RNF19A: variants seen among roughly 807,000 people sequenced by gnomAD.
RNF19A encodes E3 ubiquitin-protein ligase RNF19A.
Under a neutral mutation model 75.7 loss-of-function variants are expected in RNF19A, and 32 were observed. That is an observed-to-expected ratio of 0.42 (90% CI 0.32 to 0.57). The LOEUF is 0.57. RNF19A is among the 20% of genes least tolerant of loss of function. RNF19A has a pLI of 0.10. For synonymous variants in RNF19A, 335 were observed against 345.2 expected (o/e 0.97, Z 0.33); for missense variants, 782 against 1,036.3 (o/e 0.75, Z 3.37).
intron 1 of RNF19A, among the ~76,000 whole-genome samples, chr8:100,307,412 C>T (rs1563868177): frequency 6.6e-6 from 1 of 152,010 alleles, no homozygotes; most frequent in Non-Finnish European, 1.5e-5. Context: ...CTACATATCT[C>T]AACCATCTGT....
chr8:100,292,767 TTTAA>T (rs1359422436), intron 1 of RNF19A, among the ~76,000 whole-genome samples: 3 of 152,200 alleles, frequency 2.0e-5, no homozygotes, highest in South Asian at 2.1e-4. Flanking sequence ...TACATACTGA[TTTAA>T]TTTTTTAATT....
intron 1 of RNF19A, among the ~76,000 whole-genome samples, chr8:100,293,428 A>G (rs184531365): frequency 6.6e-6 from 1 of 152,352 alleles, no homozygotes; most frequent in African/African-American, 2.4e-5. Flanking sequence ...AGGTTATTAC[A>G]CTGTCTTCTG....
chr8:100,309,939 A>AGCCTGAGGAAGCGCGGGG lies in RNF19A; in HGVS notation c.-167_-166insCCCCGCGCTTCCTCAGGC. On this transcript the variant is annotated 5_prime_UTR_variant, in exon 1 of 10. Coordinates refer to ENST00000341084, the MANE Select transcript of RNF19A (RefSeq NM_183419.4). ...CCCATCTCCCAGCAGCGGCGACAGC[A>AGCCTGAGGAAGCGCGGGG]GCCTGAGGAAGCGCGGGGGAGGGTC... 1 of 985,914 alleles carries AGCCTGAGGAAGCGCGGGG rather than the reference A, an allele frequency of 1.0e-6. No individual in the cohort carries two copies. The highest frequency in any genetic ancestry group is 4.7e-5 in the South Asian group (1 of 21,296). 61.1% of individuals were successfully genotyped at this position (985,914 alleles called of 1,614,324 possible). A position where few individuals can be genotyped will look rare whatever the true frequency, so the allele number is the denominator to read the frequency against.
chr8:100,310,121 C>T, upstream of RNF19A: 4 of 985,606 alleles, frequency 4.1e-6, no homozygotes, highest in Non-Finnish European at 4.8e-6. Context: ...CCGCAGCCCC[C>T]GCTTTCCCCT....
chr8:100,319,263 G>A (rs533593204), intron 1 of RNF19A, among the ~76,000 whole-genome samples: 2 of 151,862 alleles, frequency 1.3e-5, no homozygotes, highest in South Asian at 4.2e-4. Context: ...GGTGATTCCT[G>A]CTCTTTTCCA....
At chr8:100,288,836 G>A (rs1188063597) in intron 1 of RNF19A, among the ~76,000 whole-genome samples, 2 of 152,046 alleles carry the variant, frequency 1.3e-5, no homozygotes, top group Admixed American at 6.5e-5. Flanking sequence ...CAGGATGGGC[G>A]GATCACAAGT....
In RNF19A at chr8:100,261,638, C is replaced by T. The variant is rs1379398447; in HGVS notation, c.1586G>A (p.Arg529Gln). 9 of 1,614,026 alleles carry T rather than the reference C, an allele frequency of 5.6e-6. No individual in the cohort carries two copies. The highest frequency in any genetic ancestry group is 1.3e-5 in the African/African-American group (1 of 74,916). ...GCTGGCCGTTTCACTCAGGTTGTCT[C>T]GGATGGCTCCTATTCGATCCATGTG... ...GSHMDRIGAIRDNLSETASTM... is the reference protein window; with the variant it reads ...GSHMDRIGAIQDNLSETASTM... The change falls in exon 8 of 10, where the codon CGA becomes CAA. Residue 529 changes from arginine (R) to glutamine (Q), a missense_variant. Arg to Gln is a conservative substitution (Grantham distance 43, BLOSUM62 1). Transcript: ENST00000341084. The surrounding 1 kb of genome is among the most constrained non-coding windows in gnomAD (Gnocchi z 4.4).
chr8:100,282,187 A>AT (rs1820809850), intron 2 of RNF19A, among the ~76,000 whole-genome samples: 1 of 152,200 alleles, frequency 6.6e-6, no homozygotes, highest in Non-Finnish European at 1.5e-5. Context: ...TGTGTCATAC[A>AT]TTAACATGGT....
rs75637942 is a variant in RNF19A, at chr8:100,293,106, G to T, written c.-93-4839C>A. 3.6e-4 allele frequency among the ~76,000 whole-genome samples: 55 copies of T among 152,330 alleles called. No individual in the cohort carries two copies. The East Asian group carries it at 0.011, about 29-fold the overall frequency. On this transcript the variant is annotated intron_variant, in intron 1 of 9. Coordinates refer to ENST00000341084, the MANE Select transcript of RNF19A (RefSeq NM_183419.4). ...AATCATTGTTGCCACTGATCTGACA[G>T]GAGGTGGAGCTCAGGCAATAATGCT...
At chr8:100,277,626 A>G (rs907863829) in intron 2 of RNF19A, among the ~76,000 whole-genome samples, 2 of 152,140 alleles carry the variant, frequency 1.3e-5, no homozygotes, top group Non-Finnish European at 2.9e-5. Context: ...CTGATAGACC[A>G]ATTATCTAAT....
At chr8:100,315,652 G>T (rs945867857) in intron 1 of RNF19A, among the ~76,000 whole-genome samples, 10 of 151,792 alleles carry the variant, frequency 6.6e-5, no homozygotes. Flanking sequence ...TCGTCGTCTT[G>T]TTGTTGTTGT....
At chr8:100,294,184 T>C (rs770630944) in intron 1 of RNF19A, among the ~76,000 whole-genome samples, 5 of 152,228 alleles carry the variant, frequency 3.3e-5, no homozygotes, top group Non-Finnish European at 5.9e-5. Context: ...GGATATCTTA[T>C]AGAGGCTCTG....
At chr8:100,300,710 G>A (rs1195501045) in intron 1 of RNF19A, 1 of 152,074 alleles carries the variant, frequency 6.6e-6, no homozygotes, top group Non-Finnish European at 1.5e-5. Flanking sequence ...AACATAATCA[G>A]TTTAACTACA....
At position 100,279,770 on chromosome 8, in the gene RNF19A, G is replaced by A. The variant is rs772180834; in HGVS notation, c.675-4609C>T. ...TCGAACTCCAGACCTCAAGTGATCC[G>A]CCCACCTCAGCCTCCCAAAGTGCTG... On this transcript the variant is annotated intron_variant, in intron 2 of 9. Transcript: ENST00000341084. 1.1e-4 allele frequency among the ~76,000 whole-genome samples: 16 copies of A among 151,732 alleles called. No individual in the cohort carries two copies. The South Asian group carries it at 1.9e-3, about 18-fold the overall frequency.
rs1819720931 is a variant in RNF19A, at chr8:100,261,650, A to G, written c.1574T>C (p.Ile525Thr). 14 of 1,614,098 alleles carry G rather than the reference A, an allele frequency of 8.7e-6. No individual in the cohort carries two copies. Among genetic ancestry groups the G allele is most frequent in the Non-Finnish European group, 1.1e-5 (13 of 1,180,006 alleles). ...ACTCAGGTTGTCTCGGATGGCTCCT[A>G]TTCGATCCATGTGGCTTCCACTTGC... is the stretch of plus-strand genomic sequence containing the variant. Reference protein sequence around the residue: ...LSASGSHMDRIGAIRDNLSET... With the variant: ...LSASGSHMDRTGAIRDNLSET... The change falls in exon 8 of 10, where the codon ATA becomes ACA. Residue 525 changes from isoleucine (I) to threonine (T), a missense_variant. Ile to Thr is a moderately conservative substitution (Grantham distance 89). This residue lies in a region of RNF19A where 442 missense variants were observed against 541.6 expected (regional missense o/e 0.82). Transcript: ENST00000341084. This position sits in a 1 kb window ranked among gnomAD's most constrained non-coding sequence, Gnocchi z 4.4.
Position 100,264,092 on chromosome 8 carries a change from A to G in RNF19A, c.1410T>C (p.Val470=). ...CATTTTCATCATCAAATTCAATCCT[A>G]ACTCCTTTTCCATTGCCTGCTGAGA... ...CGVSAGNGKG[V]RIEFDDENDI... The change falls in exon 7 of 10, where the codon GTT becomes GTC. Residue 470 remains valine, a synonymous_variant. Transcript: ENST00000341084. This position sits in a 1 kb window ranked among gnomAD's most constrained non-coding sequence, Gnocchi z 4.7. 1.2e-6 allele frequency: 2 copies of G among 1,613,844 alleles called. No homozygotes were observed. Among genetic ancestry groups the G allele is most frequent in the Non-Finnish European group, 1.7e-6 (2 of 1,179,804 alleles).
chr8:100,299,467 T>C (rs1821720739), intron 1 of RNF19A, among the ~76,000 whole-genome samples: 1 of 152,228 alleles, frequency 6.6e-6, no homozygotes, highest in Admixed American at 6.5e-5. Context: ...ATTAGAAGTA[T>C]TAAGTGTTTG....
chr8:100,270,010 T>C lies in RNF19A; in HGVS notation c.887A>G (p.Asp296Gly). 1 of 1,581,520 alleles carries C rather than the reference T, an allele frequency of 6.3e-7. No individual in the cohort carries two copies. ...SYSQESGAAA[D>G]DIKPCPRCAA... ...ACATCGTGGACATGGCTTTATATCATCAGCTATTGGGAACACAGAGAAATC... is the reference window on the plus strand; with the variant it reads ...ACATCGTGGACATGGCTTTATATCACCAGCTATTGGGAACACAGAGAAATC... Residue 296 changes from aspartate to glycine, a missense_variant, in exon 4 of 10, where the codon GAT becomes GGT. Physicochemically the swap from Asp to Gly is moderately conservative, Grantham distance 94. Coordinates refer to ENST00000341084, the MANE Select transcript of RNF19A (RefSeq NM_183419.4).
Position 100,323,596 on chromosome 8 carries a change from T to A in RNF19A, c.-242-10224A>T, listed in dbSNP as rs1822491421. 6.6e-6 allele frequency among the ~76,000 whole-genome samples: 1 copy of A among 152,238 alleles called. No individual in the cohort carries two copies. Among genetic ancestry groups the A allele is most frequent in the Non-Finnish European group, 1.5e-5 (1 of 68,042 alleles). Reference sequence around the variant, plus strand: ...TACGGCTCCAGTTTTTAAAATTTCATCTACCTTTGCCAGGGGAATCCCATT... The same window carrying A: ...TACGGCTCCAGTTTTTAAAATTTCAACTACCTTTGCCAGGGGAATCCCATT... On this transcript the variant is annotated intron_variant, in intron 1 of 3. Transcript: ENST00000519527. The surrounding 1 kb of genome is among the most constrained non-coding windows in gnomAD (Gnocchi z 4.6).
Sources: gnomAD v4.1 joint callset for allele counts (sites outside exome capture counted in the v4.1 genomes callset) on GRCh38, gnomAD v4.1.1 for gene constraint, gnomAD v4.1.1 regional missense constraint, Gnocchi (gnomAD v3.1) non-coding constraint, MANE v1.5 for transcripts, NCBI Gene and HGNC (gene_info 2026-07-23, HGNC 2026-07-21) for gene names.